The following RHOBTB2 variants were observed in gnomAD, a reference collection of about 807,000 sequenced individuals.
RHOBTB2 encodes the protein Rho related BTB domain containing 2.
A neutral mutation model predicts 66.5 loss-of-function variants in RHOBTB2; 39 were observed. The ratio of observed to expected loss-of-function variants is 0.59; its 90% confidence interval spans 0.45 to 0.77. RHOBTB2 has a LOEUF of 0.77. RHOBTB2 is among the 30% of genes least tolerant of loss of function. The probability of loss-of-function intolerance (pLI) is 0.00; values close to 1 mark genes in which losing one functional copy is unlikely to be tolerated. For missense variants in RHOBTB2, 755 were observed against 999.1 expected (o/e 0.76, Z 3.29); for synonymous variants, 390 against 395.0 (o/e 0.99, Z 0.15).
In RHOBTB2 at chr8:23,019,364, G is replaced by A. The variant is rs1001573714; in HGVS notation, c.*1895G>A. 3.3e-5 allele frequency: 5 copies of A among 152,844 alleles called. No individual in the cohort carries two copies. Among genetic ancestry groups the A allele is most frequent in the Admixed American group, 2.6e-4 (4 of 15,286 alleles). The allele number at this position is 152,844 out of a possible 1,614,324, so 9.5% of individuals were successfully genotyped here. ...AGGACTGTGGCTGCCTCCCCTCCACGGCCTCCAGGGCGGCTGGCTGGAAAG... is the reference window on the plus strand; with the variant it reads ...AGGACTGTGGCTGCCTCCCCTCCACAGCCTCCAGGGCGGCTGGCTGGAAAG... On this transcript the variant is annotated 3_prime_UTR_variant, in exon 10 of 10. Transcript: ENST00000251822.
upstream of RHOBTB2, among the ~76,000 whole-genome samples, chr8:22,996,553 GTGTGTGTGTGTGTGTC>G (rs1291662767): frequency 1.8e-3 from 217 of 120,848 alleles, no homozygotes; most frequent in African/African-American, 4.6e-3. Context: ...GTGTGTGTGT[GTGTGTGTGTGTGTGTC>G]TGTGTGTCTG....
the RHOBTB2 span, among the ~76,000 whole-genome samples, chr8:22,954,487 G>A: frequency 6.6e-6 from 1 of 152,176 alleles, no homozygotes; most frequent in Non-Finnish European, 1.5e-5. Flanking sequence ...GTTTTCTATT[G>A]CAGACACTTA....
chr8:22,999,569 C>G lies in RHOBTB2; in HGVS notation c.-547C>G. The G allele has an allele frequency of 8.2e-7, 1 of 1,214,976 alleles. No homozygotes were observed. The highest frequency in any genetic ancestry group is 1.0e-6 in the Non-Finnish European group (1 of 958,432). The allele number at this position is 1,214,976 out of a possible 1,614,324, so 75.3% of individuals were successfully genotyped here. A position where few individuals can be genotyped will look rare whatever the true frequency, so the allele number is the denominator to read the frequency against. ...GGGCGGGGCCCGTCACGGCTGTCGT[C>G]TTGGGTGCGATTTTTTTCTCCTCCT... On this transcript the variant is annotated 5_prime_UTR_variant, in exon 1 of 10. Transcript: ENST00000251822.
the RHOBTB2 span, among the ~76,000 whole-genome samples, chr8:22,961,396 T>C: frequency 6.6e-5 from 10 of 152,114 alleles, no homozygotes. Flanking sequence ...TCTCTTCTAT[T>C]TTCCTTCTAT....
chr8:22,957,121 C>A, the RHOBTB2 span, among the ~76,000 whole-genome samples: 1 of 152,092 alleles, frequency 6.6e-6, no homozygotes, highest in Non-Finnish European at 1.5e-5. Flanking sequence ...TGGCTAGATA[C>A]CTTGCAGAAC....
chr8:22,983,982 C>T (rs1438186650), upstream of RHOBTB2, among the ~76,000 whole-genome samples: 1 of 152,204 alleles, frequency 6.6e-6, no homozygotes, highest in Non-Finnish European at 1.5e-5. Context: ...GATCCACCTG[C>T]CTCAACCTCC....
At chr8:22,996,138 C>T (rs1266883267), upstream of RHOBTB2, among the ~76,000 whole-genome samples, 1 of 152,214 alleles carries the variant, frequency 6.6e-6, no homozygotes, top group African/African-American at 2.4e-5. Context: ...TTCAGGAAAA[C>T]AGCAGCCGCG....
the RHOBTB2 span, among the ~76,000 whole-genome samples, chr8:22,970,575 C>T: frequency 6.6e-6 from 1 of 151,064 alleles, no homozygotes; most frequent in East Asian, 2.0e-4. Context: ...CATTTCAGAA[C>T]CTGGGTCACA....
At chr8:23,011,022 G>A (rs755383428) in intron 7 of RHOBTB2, among the ~76,000 whole-genome samples, 1 of 152,180 alleles carries the variant, frequency 6.6e-6, no homozygotes, top group Non-Finnish European at 1.5e-5. Context: ...TTGAGGCCAG[G>A]AGTTTAAGAC....
Position 23,004,785 on chromosome 8 carries a change from AG to A in RHOBTB2, c.192+161del. ...TGAAGAGGAAGGAGCCCCTGGAGAG[AG>A]GTTTAAGCCAAGTCTGCCCCAGGGA... On this transcript the variant is annotated intron_variant, in intron 2 of 9. Transcript: ENST00000251822. This position sits in a 1 kb window ranked among gnomAD's most constrained non-coding sequence, Gnocchi z 6.4. 2 of 693,726 alleles carry A rather than the reference AG, an allele frequency of 2.9e-6. No homozygotes were observed. The highest frequency in any genetic ancestry group is 4.8e-6 in the Non-Finnish European group (2 of 412,844). 43.0% of individuals were successfully genotyped at this position (693,726 alleles called of 1,614,324 possible). A position where few individuals can be genotyped will look rare whatever the true frequency, so the allele number is the denominator to read the frequency against.
In RHOBTB2 at chr8:23,004,005, C is replaced by T. The variant is rs1810866971; in HGVS notation, c.-10-420C>T. ...ATGCTGGGAAGGGGTGGGGACGTGG[C>T]CGACTCTGCTTCTCTCAGCTGTTTG... On this transcript the variant is annotated intron_variant, in intron 1 of 9. Coordinates refer to ENST00000251822, the MANE Select transcript of RHOBTB2 (RefSeq NM_015178.3). The surrounding 1 kb of genome is among the most constrained non-coding windows in gnomAD (Gnocchi z 6.4). The T allele has an allele frequency of 2.6e-5, 7 of 272,548 alleles. No homozygotes were observed. Among genetic ancestry groups the T allele is most frequent in the South Asian group, 2.4e-4 (6 of 25,498 alleles). 16.9% of individuals were successfully genotyped at this position (272,548 alleles called of 1,614,324 possible).
At chr8:23,014,562 T>C (rs1323464988) in intron 7 of RHOBTB2, 128 bp from the exon 8 acceptor site, 2 of 772,232 alleles carry the variant, frequency 2.6e-6, no homozygotes, top group African/African-American at 1.7e-5. Context: ...CTGGGGCCTT[T>C]CCTGGCCTGT....
chr8:22,958,348 T>A, the RHOBTB2 span, among the ~76,000 whole-genome samples: 2 of 152,164 alleles, frequency 1.3e-5, no homozygotes, highest in African/African-American at 4.8e-5. Flanking sequence ...TATAACAGGG[T>A]CAACATGAAC....
At position 22,999,824 on chromosome 8, in the gene RHOBTB2, GGGCGCCT is replaced by G. The variant is rs1172044611; in HGVS notation, c.-286_-280del. The G allele has an allele frequency of 5.1e-6, 5 of 983,984 alleles. No individual in the cohort carries two copies. Among genetic ancestry groups the G allele is most frequent in the Admixed American group, 1.2e-4 (2 of 16,118 alleles). 61.0% of individuals were successfully genotyped at this position (983,984 alleles called of 1,614,324 possible). Reference sequence around the variant, plus strand: ...CGGCTCCGCGCGCCGCCGTGACATTGGGCGCCTGGCGCGCGGGGCGATGCTGATCCGG... The same window carrying G: ...CGGCTCCGCGCGCCGCCGTGACATTGGGCGCGCGGGGCGATGCTGATCCGG... On this transcript the variant is annotated 5_prime_UTR_variant, in exon 1 of 10. Coordinates refer to ENST00000251822, the MANE Select transcript of RHOBTB2 (RefSeq NM_015178.3).
At chr8:22,961,775 G>T in the RHOBTB2 span, among the ~76,000 whole-genome samples, 1 of 152,140 alleles carries the variant, frequency 6.6e-6, no homozygotes, top group Admixed American at 6.5e-5. Flanking sequence ...TTACTGCACT[G>T]ACGTGATTTC....
the RHOBTB2 span, among the ~76,000 whole-genome samples, chr8:22,954,424 G>C: frequency 6.6e-6 from 1 of 152,154 alleles, no homozygotes; most frequent in Non-Finnish European, 1.5e-5. Context: ...TTGTAAAATA[G>C]CTTAATTCAA....
At chr8:23,001,807 CAG>C (rs1319029024) in intron 1 of RHOBTB2, among the ~76,000 whole-genome samples, 1 of 151,500 alleles carries the variant, frequency 6.6e-6, no homozygotes, top group Non-Finnish European at 1.5e-5. Flanking sequence ...ATGATACAAA[CAG>C]AGAGGCAGCT....
chr8:23,000,177 C>A, intron 1 of RHOBTB2, 72 bp downstream of exon 1: 1 of 957,734 alleles, frequency 1.0e-6, no homozygotes, highest in Non-Finnish European at 1.2e-6. Flanking sequence ...TCCGCCCTCC[C>A]TGCCCTGCCG....
chr8:22,999,750 C>A lies in RHOBTB2; in HGVS notation c.-366C>A. ...GGCCCGGGCGCGTAGCGGCGGCGGCCTCGCCCCTCTCCCGGCGCCCCTGCG... is the reference window on the plus strand; with the variant it reads ...GGCCCGGGCGCGTAGCGGCGGCGGCATCGCCCCTCTCCCGGCGCCCCTGCG... On this transcript the variant is annotated 5_prime_UTR_variant, in exon 1 of 10. Transcript: ENST00000251822. The A allele has an allele frequency of 9.7e-7, 1 of 1,035,920 alleles. No homozygotes were observed. The highest frequency in any genetic ancestry group is 1.2e-6 in the Non-Finnish European group (1 of 860,812). The allele number at this position is 1,035,920 out of a possible 1,614,324, so 64.2% of individuals were successfully genotyped here. A position where few individuals can be genotyped will look rare whatever the true frequency, so the allele number is the denominator to read the frequency against.
Sources: gnomAD v4.1 joint callset for allele counts (sites outside exome capture counted in the v4.1 genomes callset) on GRCh38, gnomAD v4.1.1 for gene constraint, Gnocchi (gnomAD v3.1) non-coding constraint, MANE v1.5 for transcripts, NCBI Gene and HGNC (gene_info 2026-07-23, HGNC 2026-07-21) for gene names.